COL4A4: variants seen among roughly 807,000 people sequenced by gnomAD.
COL4A4 encodes the protein collagen alpha-4(IV) chain.
A neutral mutation model predicts 192.9 loss-of-function variants in COL4A4; 105 were observed. The observed-to-expected ratio is 0.54, with a 90% confidence interval of 0.46 to 0.64. The LOEUF is 0.64. Ranked by LOEUF, COL4A4 falls within the 30% of genes least tolerant of loss-of-function variation. The pLI is 0.00. For missense variants in COL4A4, 1,967 were observed against 2,169.3 expected, an observed-to-expected ratio of 0.91 and a Z score of 1.85; for synonymous variants, 762 against 769.9, an observed-to-expected ratio of 0.99 and a Z score of 0.17.
chr2:227,118,561 C>G (rs1487238854), intron 7 of COL4A4, 84 bp downstream of exon 7: 1 of 1,046,766 alleles, frequency 9.6e-7, no homozygotes, highest in East Asian at 2.4e-5. Flanking sequence ...TGTATTAACT[C>G]TGTTTCTTGA....
the COL4A4 span, among the ~76,000 whole-genome samples, chr2:226,984,596 G>A: frequency 5.1e-3 from 772 of 152,284 alleles, 5 homozygotes; most frequent in African/African-American, 0.017. Context: ...GACAGCCTTC[G>A]TGACCTCTCT....
intron 43 of COL4A4, 32 bp from the exon 44 acceptor site, chr2:227,022,205 T>C (rs751562970): frequency 1.8e-5 from 29 of 1,613,840 alleles, no homozygotes; most frequent in Non-Finnish European, 2.5e-5. Flanking sequence ...GTGTAATGGA[T>C]GCACGTGCTT....
chr2:227,131,022 C>T (rs2062421148), intron 4 of COL4A4, among the ~76,000 whole-genome samples: 1 of 152,148 alleles, frequency 6.6e-6, no homozygotes, highest in Non-Finnish European at 1.5e-5. Context: ...ACATTACCTA[C>T]CTGCCACCAG....
intron 29 of COL4A4, 117 bp downstream of exon 29, chr2:227,057,322 C>T: frequency 8.1e-7 from 1 of 1,230,140 alleles, no homozygotes; most frequent in Non-Finnish European, 1.2e-6. Flanking sequence ...GTAACGAAGT[C>T]CTTTGTCTCT....
chr2:227,047,094 C>A (rs1468061399), intron 35 of COL4A4, among the ~76,000 whole-genome samples: 3 of 151,938 alleles, frequency 2.0e-5, no homozygotes, highest in Non-Finnish European at 4.4e-5. Context: ...CAGCTGTAGT[C>A]ATTGTGAGTG....
Position 227,045,839 on chromosome 2 carries a change from TATATATATACAC to T in COL4A4, c.3289+1624_3289+1635del, listed in dbSNP as rs1972475660. On this transcript the variant is annotated intron_variant, in intron 35 of 47. Coordinates refer to ENST00000396625, the MANE Select transcript of COL4A4 (RefSeq NM_000092.5). ...ATACACATATATATATATACACACA[TATATATATACAC>T]ATATATATATACACATATATATACA... Among the ~76,000 whole-genome samples, 2 of 34,242 alleles carry T rather than the reference TATATATATACAC, an allele frequency of 5.8e-5. 1 individual carries two copies. Among genetic ancestry groups the T allele is most frequent in the African/African-American group, 3.1e-4 (2 of 6,496 alleles). The allele number at this position is 34,242 out of a possible 152,430, so 22.5% of individuals were successfully genotyped here.
the COL4A4 span, among the ~76,000 whole-genome samples, chr2:226,973,317 A>G: frequency 2.0e-5 from 3 of 152,232 alleles, no homozygotes; most frequent in African/African-American, 4.8e-5. Flanking sequence ...TTACTCAAAA[A>G]AATTGTTTAA....
chr2:227,051,588 G>A (rs1040577169), intron 32 of COL4A4, among the ~76,000 whole-genome samples: 1 of 151,020 alleles, frequency 6.6e-6, no homozygotes, highest in East Asian at 1.9e-4. Flanking sequence ...TGGGCATTGG[G>A]GTGTCTGTTA....
intron 7 of COL4A4, among the ~76,000 whole-genome samples, chr2:227,117,815 G>T (rs1199612888): frequency 1.5e-5 from 1 of 68,048 alleles, no homozygotes; most frequent in Non-Finnish European, 4.2e-5. Context: ...AAAGCTAAGA[G>T]CCGTAAGTTT....
intron 37 of COL4A4, among the ~76,000 whole-genome samples, chr2:227,041,852 A>AAGAGAGAGAGAGAGAGAG (rs1412480175): frequency 2.0e-4 from 14 of 71,386 alleles, no homozygotes; most frequent in Non-Finnish European, 3.4e-4. Flanking sequence ...AAGAAAGAGA[A>AAGAGAGAGAGAGAGAGAG]AGAAAGAAAG....
At chr2:227,023,324 T>C (rs1216037584) in intron 43 of COL4A4, among the ~76,000 whole-genome samples, 1 of 151,740 alleles carries the variant, frequency 6.6e-6, no homozygotes, top group African/African-American at 2.4e-5. Flanking sequence ...GTGCCTGTAG[T>C]TCCAGCTACT....
intron 35 of COL4A4, among the ~76,000 whole-genome samples, chr2:227,046,594 G>T (rs904997160): frequency 2.0e-5 from 3 of 152,012 alleles, no homozygotes; most frequent in Non-Finnish European, 2.9e-5. Flanking sequence ...TTTAAATATT[G>T]GTGCATTTCT....
At chr2:227,001,435 C>T (rs986607096), downstream of COL4A4, among the ~76,000 whole-genome samples, 1 of 152,106 alleles carries the variant, frequency 6.6e-6, no homozygotes, top group Non-Finnish European at 1.5e-5. Context: ...CACCCCCTCC[C>T]TCCAGAACAG....
intron 14 of COL4A4, 139 bp downstream of exon 14, chr2:227,103,005 G>T: frequency 1.9e-6 from 2 of 1,045,550 alleles, no homozygotes; most frequent in Non-Finnish European, 2.9e-6. Flanking sequence ...AAGCTCTATA[G>T]TATTATGATA....
chr2:227,060,126 C>CA lies in COL4A4; in HGVS notation c.2164+9_2164+10insT. 1.4e-5 allele frequency: 6 copies of CA among 438,586 alleles called. No homozygotes were observed. Among genetic ancestry groups the CA allele is most frequent in the African/African-American group, 6.1e-5 (1 of 16,508 alleles). 27.2% of individuals were successfully genotyped at this position (438,586 alleles called of 1,614,324 possible). A position where few individuals can be genotyped will look rare whatever the true frequency, so the allele number is the denominator to read the frequency against. Reference sequence around the variant, plus strand: ...GAAAAAAAAAAAAAAAAAAAAAAAACCTCACTGACCAGGTGGACCTGGTAT... The same window carrying CA: ...GAAAAAAAAAAAAAAAAAAAAAAAACACTCACTGACCAGGTGGACCTGGTAT... On this transcript the variant is annotated intron_variant, in intron 27 of 47. Coordinates refer to ENST00000396625, the MANE Select transcript of COL4A4 (RefSeq NM_000092.5).
intron 3 of COL4A4, 105 bp from the exon 4 acceptor site, chr2:227,140,343 A>ATTAGTCTTTTCTTCTCAT: frequency 1.1e-6 from 1 of 878,472 alleles, no homozygotes; most frequent in Non-Finnish European, 1.9e-6. Flanking sequence ...TGACTCCATG[A>ATTAGTCTTTTCTTCTCAT]GAAGAAAAGA....
At chr2:227,019,723 A>G (rs1340580310) in intron 44 of COL4A4, among the ~76,000 whole-genome samples, 1 of 152,228 alleles carries the variant, frequency 6.6e-6, no homozygotes, top group African/African-American at 2.4e-5. Flanking sequence ...GCTAGAGTGC[A>G]GTGGTGCGAT....
intron 30 of COL4A4, 122 bp downstream of exon 30, chr2:227,055,823 A>G: frequency 6.9e-6 from 6 of 868,668 alleles, no homozygotes; most frequent in Non-Finnish European, 1.1e-5. Flanking sequence ...GGCATCATTA[A>G]GGGAAGGACA....
chr2:226,998,830 C>T (rs1330831900), downstream of COL4A4: 1 of 152,190 alleles, frequency 6.6e-6, no homozygotes, highest in Non-Finnish European at 1.5e-5. Flanking sequence ...GGGCTTCAAC[C>T]AGCCTTTGGA....
Sources: gnomAD v4.1 joint callset for allele counts (sites outside exome capture counted in the v4.1 genomes callset) on GRCh38, gnomAD v4.1.1 for gene constraint, MANE v1.5 for transcripts, NCBI Gene and HGNC (gene_info 2026-07-23, HGNC 2026-07-21) for gene names.